The following VDAC1 variants were observed in gnomAD, a reference collection of about 807,000 sequenced individuals.
VDAC1 encodes the protein voltage dependent anion channel 1.
In VDAC1, 10 loss-of-function variants were observed where a neutral mutation model predicts 34.7. The ratio of observed to expected loss-of-function variants is 0.29; its 90% CI spans 0.18 to 0.49. VDAC1 has a LOEUF of 0.49. Ranked by LOEUF, VDAC1 falls within the 20% of genes least tolerant of loss-of-function variation. The pLI is 0.99. For synonymous variants in VDAC1, 130 were observed against 136.0 expected (o/e 0.96, Z 0.30); for missense variants, 230 against 347.9 (o/e 0.66, Z 2.69).
chr5:134,076,328 C>T, the VDAC1 span, among the ~76,000 whole-genome samples: 1 of 152,228 alleles, frequency 6.6e-6, no homozygotes, highest in Non-Finnish European at 1.5e-5. Context: ...CTGCTGGATC[C>T]TCACATCGTG....
At chr5:134,106,037 C>T in the VDAC1 span, among the ~76,000 whole-genome samples, 13 of 152,362 alleles carry the variant, frequency 8.5e-5, no homozygotes, top group African/African-American at 2.9e-4. Flanking sequence ...CCAGTAGACG[C>T]TTCACCTCTG....
chr5:134,073,333 G>A, the VDAC1 span, among the ~76,000 whole-genome samples: 37 of 152,286 alleles, frequency 2.4e-4, 1 homozygote, highest in South Asian at 6.8e-3. Context: ...CATCGCATGG[G>A]AACTTGCTAG....
the VDAC1 span, among the ~76,000 whole-genome samples, chr5:134,031,497 G>C: frequency 6.6e-6 from 1 of 152,162 alleles, no homozygotes; most frequent in African/African-American, 2.4e-5. Flanking sequence ...GGAGACAGGA[G>C]ATTCTATACA....
At chr5:134,026,519 A>G in the VDAC1 span, among the ~76,000 whole-genome samples, 2 of 79,802 alleles carry the variant, frequency 2.5e-5, no homozygotes, top group Non-Finnish European at 5.6e-5. Flanking sequence ...CGTCTCAGAA[A>G]AAAAAAAAAA....
chr5:134,092,879 A>C, the VDAC1 span, among the ~76,000 whole-genome samples: 3 of 152,162 alleles, frequency 2.0e-5, no homozygotes, highest in Non-Finnish European at 4.4e-5. Context: ...TTCCCTCTCC[A>C]TTGCAACCCT....
intron 6 of VDAC1, among the ~76,000 whole-genome samples, chr5:133,980,264 CT>C (rs1456575756): frequency 1.3e-5 from 2 of 152,214 alleles, no homozygotes; most frequent in African/African-American, 4.8e-5. Context: ...CCAATAGTTA[CT>C]TTTACATGCT....
chr5:134,087,996 C>CA, the VDAC1 span, among the ~76,000 whole-genome samples: 15 of 144,734 alleles, frequency 1.0e-4, no homozygotes, highest in African/African-American at 2.8e-4. Context: ...ACTAAAAATA[C>CA]AAAAAAAAAT....
the VDAC1 span, among the ~76,000 whole-genome samples, chr5:134,094,850 A>C: frequency 3.3e-5 from 5 of 152,180 alleles, no homozygotes; most frequent in African/African-American, 1.2e-4. Context: ...GTACACACTG[A>C]TGGGGCTGCC....
the VDAC1 span, among the ~76,000 whole-genome samples, chr5:134,108,061 A>G: frequency 1.2e-3 from 180 of 152,326 alleles, no homozygotes; most frequent in African/African-American, 3.6e-3. Flanking sequence ...TGGTGGCTTC[A>G]ATTCTAAAGG....
At chr5:134,100,465 G>A in the VDAC1 span, among the ~76,000 whole-genome samples, 1 of 152,150 alleles carries the variant, frequency 6.6e-6, no homozygotes, top group African/African-American at 2.4e-5. Context: ...GCGGCACCCC[G>A]TGACAGACAG....
chr5:134,097,690 C>T, the VDAC1 span, among the ~76,000 whole-genome samples: 1 of 152,130 alleles, frequency 6.6e-6, no homozygotes, highest in East Asian at 1.9e-4. Context: ...AAATGCTCCT[C>T]TGGACGTGGC....
the VDAC1 span, among the ~76,000 whole-genome samples, chr5:134,055,588 G>GTTTTTGTTTTTTTTTTGTTTTTGTT: frequency 3.4e-5 from 2 of 59,616 alleles, no homozygotes; most frequent in African/African-American, 1.4e-4. Context: ...CCCCGCTAAT[G>GTTTTTGTTTTTTTTTTGTTTTTGTT]TTTTTTTTTT....
At chr5:133,998,299 G>A (rs113292247) in intron 1 of VDAC1, among the ~76,000 whole-genome samples, 148 of 152,218 alleles carry the variant, frequency 9.7e-4, no homozygotes, top group African/African-American at 3.2e-3. Flanking sequence ...ACTTCAAATC[G>A]AATTTTCATT....
the VDAC1 span, among the ~76,000 whole-genome samples, chr5:134,098,338 C>T: frequency 6.9e-6 from 1 of 145,268 alleles, no homozygotes; most frequent in Non-Finnish European, 1.5e-5. Flanking sequence ...GCTGGGATTA[C>T]AGGCACCCAC....
the VDAC1 span, among the ~76,000 whole-genome samples, chr5:134,071,002 G>T: frequency 6.6e-6 from 1 of 152,172 alleles, no homozygotes; most frequent in East Asian, 1.9e-4. This position sits in a 1 kb window ranked among gnomAD's most constrained non-coding sequence, Gnocchi z 4.1. Flanking sequence ...CGCTTCCCAG[G>T]GGCGTAAACC....
the VDAC1 span, among the ~76,000 whole-genome samples, chr5:134,066,203 C>T: frequency 6.6e-6 from 1 of 151,990 alleles, no homozygotes; most frequent in African/African-American, 2.4e-5. Flanking sequence ...GGGGTTTCAC[C>T]ATACTGACCA....
At chr5:133,994,435 A>G (rs1201297174) in intron 1 of VDAC1, among the ~76,000 whole-genome samples, 2 of 152,196 alleles carry the variant, frequency 1.3e-5, no homozygotes, top group Non-Finnish European at 2.9e-5. Flanking sequence ...TTTCTTGCAC[A>G]TGATCAGGCT....
chr5:134,000,772 C>T (rs116217059), intron 1 of VDAC1, among the ~76,000 whole-genome samples: 2,641 of 152,218 alleles, frequency 0.017, 72 homozygotes, highest in African/African-American at 0.061. Flanking sequence ...GGTACAGTGG[C>T]TGGCGCTTGG....
upstream of VDAC1, among the ~76,000 whole-genome samples, chr5:134,008,329 C>T (rs78612804): frequency 0.23 from 35,237 of 151,972 alleles, 4,327 homozygotes; most frequent in Admixed American, 0.29. Flanking sequence ...CCTGAGCCAA[C>T]GGCCTCCTGT....
Sources: gnomAD v4.1 joint callset for allele counts (sites outside exome capture counted in the v4.1 genomes callset) on GRCh38, gnomAD v4.1.1 for gene constraint, Gnocchi (gnomAD v3.1) non-coding constraint, MANE v1.5 for transcripts, NCBI Gene and HGNC (gene_info 2026-07-23, HGNC 2026-07-21) for gene names.